GPR158: variants seen among roughly 807,000 people sequenced by gnomAD.
The protein encoded by GPR158 is G protein-coupled receptor 158, also known as metabotropic glycine receptor.
In GPR158, 30 loss-of-function variants were observed where a neutral mutation model predicts 78.2. That is an observed-to-expected ratio of 0.38 (90% CI 0.29 to 0.52). GPR158 has a LOEUF of 0.52. Ranked by LOEUF, GPR158 falls within the 20% of genes least tolerant of loss-of-function variation. The probability of loss-of-function intolerance (pLI) is 0.83; values close to 1 mark genes in which losing one functional copy is unlikely to be tolerated. For synonymous variants in GPR158, 581 were observed against 591.1 expected (o/e 0.98, Z 0.25); for missense variants, 1,463 against 1,523.5 (o/e 0.96, Z 0.66).
Position 25,273,672 on chromosome 10 carries a change from GT to G in GPR158, c.1008+52523del, listed in dbSNP as rs113753631. Among the ~76,000 whole-genome samples the G allele has an allele frequency of 3.4e-3, 511 of 151,376 alleles. 6 individuals carry two copies. The highest frequency in any genetic ancestry group is 0.012 in the African/African-American group (490 of 41,302). On this transcript the variant is annotated intron_variant, in intron 2 of 10. Transcript: ENST00000376351. ...CTTCTTTATGCATTGAAGAAAATGG[GT>G]TTTTTTTCTTTGTTTTATTTTTTTG...
At chr10:25,216,986 T>C (rs962266241) in intron 1 of GPR158, among the ~76,000 whole-genome samples, 8 of 152,174 alleles carry the variant, frequency 5.3e-5, no homozygotes, top group African/African-American at 1.4e-4. Context: ...GTGAGTAATA[T>C]TGATTTCAAG....
chr10:25,267,227 G>A (rs1854055787), intron 2 of GPR158, among the ~76,000 whole-genome samples: 1 of 152,142 alleles, frequency 6.6e-6, no homozygotes, highest in Non-Finnish European at 1.5e-5. Context: ...TTAAAGCAGA[G>A]AGGTTTAATT....
chr10:25,201,647 T>G (rs1188886867), intron 1 of GPR158, among the ~76,000 whole-genome samples: 2 of 152,142 alleles, frequency 1.3e-5, no homozygotes, highest in Non-Finnish European at 2.9e-5. Flanking sequence ...TATTTTGAGG[T>G]ATGTTCCTTC....
At position 25,589,050 on chromosome 10, in the gene GPR158, A is replaced by G. The variant is rs142468168; in HGVS notation, c.1797A>G (p.Ala599=). The part of the protein sequence containing the change: ...FLLWGVYLCY[A]VRTVPSAFHE... ...TGTGGGGTGTTTATCTCTGCTATGC[A>G]GTGCGGACAGTCCCATCGGCATTCC... Residue 599 remains alanine, a synonymous_variant, in exon 8 of 11, where the codon GCA becomes GCG. Coordinates refer to ENST00000376351, the MANE Select transcript of GPR158 (RefSeq NM_020752.3). 5.0e-6 allele frequency: 8 copies of G among 1,610,742 alleles called. No individual in the cohort carries two copies. Among genetic ancestry groups the G allele is most frequent in the Non-Finnish European group, 6.8e-6 (8 of 1,177,518 alleles).
In GPR158 at chr10:25,572,807, T is replaced by C; in HGVS notation, c.1673T>C (p.Leu558Pro). The change falls in exon 7 of 11, where the codon CTT becomes CCT. Residue 558 changes from leucine to proline, a missense_variant. Physicochemically the swap from Leu to Pro is moderately conservative, Grantham distance 98. Coordinates refer to ENST00000376351, the MANE Select transcript of GPR158 (RefSeq NM_020752.3). ...CAGAATTTGGAGAAACAGATTTCAC[T>C]TATTGGCCAGGGGAAAACATCCGAT... ...VCQNLEKQISLIGQGKTSDHL... is the reference protein window; with the variant it reads ...VCQNLEKQISPIGQGKTSDHL... 1 of 1,613,958 alleles carries C rather than the reference T, an allele frequency of 6.2e-7. No individual in the cohort carries two copies. The highest frequency in any genetic ancestry group is 1.3e-5 in the African/African-American group (1 of 75,026).
At chr10:25,482,394 G>A in intron 5 of GPR158, among the ~76,000 whole-genome samples, 1 of 151,992 alleles carries the variant, frequency 6.6e-6, no homozygotes, top group East Asian at 1.9e-4. Flanking sequence ...TATTGGCCAG[G>A]CTGGTCTTGA....
chr10:25,258,404 TG>T (rs1853919122), intron 2 of GPR158, among the ~76,000 whole-genome samples: 1 of 152,250 alleles, frequency 6.6e-6, no homozygotes, highest in African/African-American at 2.4e-5. Flanking sequence ...TAATTATTTT[TG>T]TAGCTTCTTT....
intron 5 of GPR158, among the ~76,000 whole-genome samples, chr10:25,490,995 G>A (rs1046241993): frequency 6.6e-6 from 1 of 152,050 alleles, no homozygotes; most frequent in Non-Finnish European, 1.5e-5. Flanking sequence ...TGTGTTGGGG[G>A]GGTCCTAATA....
intron 5 of GPR158, among the ~76,000 whole-genome samples, chr10:25,505,545 A>G (rs1835999030): frequency 6.6e-6 from 1 of 152,194 alleles, no homozygotes. Flanking sequence ...ATAAATTTTC[A>G]AAAACATGAG....
At chr10:25,593,748 ATTTAT>A (rs1180009350) in intron 8 of GPR158, among the ~76,000 whole-genome samples, 1 of 152,062 alleles carries the variant, frequency 6.6e-6, no homozygotes, top group African/African-American at 2.4e-5. Flanking sequence ...ATTTAGAACA[ATTTAT>A]TTTAAAGAGT....
chr10:25,241,364 T>TCTC (rs1564399773), intron 2 of GPR158, among the ~76,000 whole-genome samples: 2 of 102,884 alleles, frequency 1.9e-5, no homozygotes, highest in African/African-American at 4.5e-5. Context: ...TCTTTTCTCT[T>TCTC]TTCTTTTCTC....
At chr10:25,338,481 T>C in intron 2 of GPR158, among the ~76,000 whole-genome samples, 1 of 129,648 alleles carries the variant, frequency 7.7e-6, no homozygotes, top group South Asian at 2.3e-4. Flanking sequence ...ATACGTATAA[T>C]ATACGTATAA....
At chr10:25,297,391 C>G (rs1854530864) in intron 2 of GPR158, among the ~76,000 whole-genome samples, 1 of 151,992 alleles carries the variant, frequency 6.6e-6, no homozygotes, top group South Asian at 2.1e-4. Context: ...AATACATAAG[C>G]AAATGAGTGA....
chr10:25,450,553 T>C (rs1474162857), intron 4 of GPR158, among the ~76,000 whole-genome samples: 2 of 152,122 alleles, frequency 1.3e-5, no homozygotes, highest in Non-Finnish European at 1.5e-5. Flanking sequence ...GTAAAAATTT[T>C]TAAATGCTTA....
chr10:25,216,877 G>A (rs1463750142), intron 1 of GPR158, among the ~76,000 whole-genome samples: 1 of 152,146 alleles, frequency 6.6e-6, no homozygotes, highest in South Asian at 2.1e-4. Flanking sequence ...TGAATTGTCT[G>A]GAATAAGGAA....
intron 4 of GPR158, among the ~76,000 whole-genome samples, chr10:25,429,810 A>ATG (rs1834874269): frequency 7.0e-6 from 1 of 142,774 alleles, no homozygotes; most frequent in Admixed American, 7.1e-5. Context: ...AAATTCAACA[A>ATG]CCGTTCATGC....
chr10:25,328,138 A>G (rs375234068), intron 2 of GPR158, among the ~76,000 whole-genome samples: 1 of 152,176 alleles, frequency 6.6e-6, no homozygotes, highest in East Asian at 1.9e-4. Context: ...CCTGAATAAG[A>G]AAGGACTAAT....
At chr10:25,359,208 TACACAC>T (rs1384090498) in intron 2 of GPR158, among the ~76,000 whole-genome samples, 1 of 152,062 alleles carries the variant, frequency 6.6e-6, no homozygotes, top group African/African-American at 2.4e-5. Flanking sequence ...TTGTGACACA[TACACAC>T]ACATATATAT....
intron 10 of GPR158, among the ~76,000 whole-genome samples, chr10:25,597,479 GAATCAGAAAATACA>G (rs1410973718): frequency 6.6e-6 from 1 of 152,126 alleles, no homozygotes; most frequent in South Asian, 2.1e-4. Context: ...AAACACAAAA[GAATCAGAAAATACA>G]AATCAGAAAA....
Sources: gnomAD v4.1 joint callset for allele counts (sites outside exome capture counted in the v4.1 genomes callset) on GRCh38, gnomAD v4.1.1 for gene constraint, MANE v1.5 for transcripts, NCBI Gene and HGNC (gene_info 2026-07-23, HGNC 2026-07-21) for gene names.